The following MSH3 variants were observed in gnomAD, a reference collection of about 807,000 sequenced individuals.
MSH3 encodes the protein mutS homolog 3.
MSH3 carries 106 observed loss-of-function variants against 123.3 expected under a neutral mutation model. The ratio of observed to expected loss-of-function variants is 0.86; its 90% CI spans 0.73 to 1.01. The LOEUF (loss-of-function observed/expected upper bound fraction) is 1.01, where lower values mean the gene tolerates loss of function less well. Among genes scored for constraint, MSH3 ranks in the 50% least tolerant of loss-of-function variants. MSH3 has a pLI of 0.00. For synonymous variants in MSH3, 515 were observed against 481.4 expected (o/e 1.07, Z -0.91); for missense variants, 1,459 against 1,347.6 (o/e 1.08, Z -1.29).
chr5:80,671,834 G>A (rs6151643), intron 4 of MSH3, among the ~76,000 whole-genome samples: 5,405 of 152,158 alleles, frequency 0.036, 310 homozygotes, highest in African/African-American at 0.12. Flanking sequence ...TTCTCTGTCC[G>A]GATGGGTTCA....
chr5:80,808,861 A>ATATATATATATCTCTATATATATATC (rs1744949762), intron 19 of MSH3, among the ~76,000 whole-genome samples: 2 of 102,994 alleles, frequency 1.9e-5, no homozygotes, highest in South Asian at 7.6e-4. Flanking sequence ...TCTTCTTCAT[A>ATATATATATATCTCTATATATATATC]TATATATATA....
At chr5:80,662,820 C>T (rs1749467435) in intron 2 of MSH3, among the ~76,000 whole-genome samples, 1 of 129,820 alleles carries the variant, frequency 7.7e-6, no homozygotes, top group South Asian at 2.5e-4. Context: ...GAGTGAGACT[C>T]TGTCTCAAAA....
chr5:80,704,900 C>T (rs1239657478), intron 8 of MSH3, among the ~76,000 whole-genome samples: 2 of 152,142 alleles, frequency 1.3e-5, no homozygotes, highest in Admixed American at 1.3e-4. Context: ...ATGCTCACAA[C>T]CCCATACAGT....
chr5:80,682,715 T>C (rs1228711283), intron 8 of MSH3, among the ~76,000 whole-genome samples: 1 of 152,248 alleles, frequency 6.6e-6, no homozygotes, highest in Non-Finnish European at 1.5e-5. Flanking sequence ...ATTTATCCTT[T>C]GTGTTACAAA....
intron 20 of MSH3, among the ~76,000 whole-genome samples, chr5:80,825,833 TA>T (rs561934865): frequency 3.9e-5 from 6 of 152,236 alleles, no homozygotes; most frequent in Non-Finnish European, 8.8e-5. Context: ...TCTGGTAAAT[TA>T]TTTTTTTGTT....
In MSH3 at chr5:80,760,899, A is replaced by G. The variant is rs1276346492; in HGVS notation, c.1764-647A>G. ...CCCACCCATGCTTCAGAACTGAGGT[A>G]CATGGCCATACCTAACTACAGGGGA... On this transcript the variant is annotated intron_variant, in intron 12 of 23. Transcript: ENST00000265081. Among the ~76,000 whole-genome samples, 7 of 152,306 alleles carry G rather than the reference A, an allele frequency of 4.6e-5. No homozygotes were observed. In the East Asian group the frequency reaches 1.2e-3, roughly 25 times the overall value.
intron 17 of MSH3, among the ~76,000 whole-genome samples, chr5:80,784,748 C>A (rs191534621): frequency 1.1e-3 from 163 of 152,112 alleles, no homozygotes; most frequent in Non-Finnish European, 1.8e-3. Context: ...GGGGCCTGTC[C>A]GTTTTGTGTT....
intron 21 of MSH3, among the ~76,000 whole-genome samples, chr5:80,864,345 G>A (rs1746064207): frequency 6.6e-6 from 1 of 152,062 alleles, no homozygotes; most frequent in African/African-American, 2.4e-5. Flanking sequence ...ATTCCTGTAC[G>A]AAAGGATACT....
intron 13 of MSH3, among the ~76,000 whole-genome samples, chr5:80,762,207 T>G (rs1002410354): frequency 2.0e-5 from 3 of 152,080 alleles, no homozygotes; most frequent in Non-Finnish European, 4.4e-5. Flanking sequence ...TTTTCCACGG[T>G]TAGGGAAATA....
chr5:80,781,758 T>C (rs138880773), intron 17 of MSH3, among the ~76,000 whole-genome samples: 1 of 152,306 alleles, frequency 6.6e-6, no homozygotes, highest in Non-Finnish European at 1.5e-5. Context: ...GGTGTTTCTT[T>C]GATTTGTCCC....
intron 7 of MSH3, among the ~76,000 whole-genome samples, chr5:80,675,452 C>T (rs554558272): frequency 3.9e-5 from 6 of 152,050 alleles, no homozygotes; most frequent in African/African-American, 1.2e-4. Context: ...AGGAAACTTA[C>T]AATCATGGCG....
chr5:80,684,634 C>T (rs1320191041), intron 8 of MSH3, among the ~76,000 whole-genome samples: 1 of 152,108 alleles, frequency 6.6e-6, no homozygotes, highest in Non-Finnish European at 1.5e-5. Context: ...AATAATTAGA[C>T]GTCCTCCTTT....
At chr5:80,858,580 T>C (rs1745957976) in intron 21 of MSH3, among the ~76,000 whole-genome samples, 1 of 152,222 alleles carries the variant, frequency 6.6e-6, no homozygotes, top group Admixed American at 6.5e-5. Flanking sequence ...AAATATTGTA[T>C]GATTTTTATT....
chr5:80,696,919 A>G (rs991486640), intron 8 of MSH3, among the ~76,000 whole-genome samples: 5 of 152,292 alleles, frequency 3.3e-5, no homozygotes, highest in East Asian at 1.9e-4. Context: ...AGAAAATCCT[A>G]TTTTTTATAA....
intron 2 of MSH3, among the ~76,000 whole-genome samples, chr5:80,657,651 GAAAA>G (rs72386143): frequency 6.9e-6 from 1 of 145,630 alleles, no homozygotes; most frequent in Non-Finnish European, 1.5e-5. Context: ...AAGAGAATGA[GAAAA>G]AAAAAAAGTT....
At chr5:80,702,288 T>C (rs907156469) in intron 8 of MSH3, among the ~76,000 whole-genome samples, 16 of 152,132 alleles carry the variant, frequency 1.1e-4, no homozygotes, top group African/African-American at 3.9e-4. Context: ...CTGCACCTCA[T>C]GGGAGTGGAC....
intron 12 of MSH3, chr5:80,746,775 T>G: frequency 5.0e-6 from 2 of 398,480 alleles, no homozygotes; most frequent in Non-Finnish European, 1.0e-5. Context: ...AATTTCCACA[T>G]CAAATATCTC....
intron 8 of MSH3, among the ~76,000 whole-genome samples, chr5:80,704,808 C>G (rs934296291): frequency 1.3e-5 from 2 of 152,130 alleles, no homozygotes; most frequent in Non-Finnish European, 2.9e-5. Context: ...GGTAACATAC[C>G]TGAGGCCAGG....
intron 8 of MSH3, among the ~76,000 whole-genome samples, chr5:80,680,081 C>T (rs1054730412): frequency 4.0e-5 from 6 of 151,666 alleles, no homozygotes; most frequent in Admixed American, 6.6e-5. Context: ...GCCAAAACCC[C>T]GTTTCTACTA....
Sources: gnomAD v4.1 joint callset for allele counts (sites outside exome capture counted in the v4.1 genomes callset) on GRCh38, gnomAD v4.1.1 for gene constraint, MANE v1.5 for transcripts, NCBI Gene and HGNC (gene_info 2026-07-23, HGNC 2026-07-21) for gene names.